Variants in CBX8 observed in about 807,000 individuals in gnomAD.
CBX8 encodes the protein chromobox protein homolog 8.
Under a neutral mutation model 39.7 loss-of-function variants are expected in CBX8, and 8 were observed. The ratio of observed to expected loss-of-function variants is 0.20; its 90% CI spans 0.12 to 0.36. The LOEUF (loss-of-function observed/expected upper bound fraction) is 0.36, where lower values mean the gene tolerates loss of function less well. Among genes scored for constraint, CBX8 ranks in the 10% least tolerant of loss-of-function variants. The pLI is 1.00. For missense variants in CBX8, 505 were observed against 529.6 expected (o/e 0.95, Z 0.46); for synonymous variants, 268 against 219.8 (o/e 1.22, Z -1.94).
At position 79,793,034 on chromosome 17, in the gene CBX8, G is replaced by A. The variant is rs1467390028; in HGVS notation, c.*1601C>T. On this transcript the variant is annotated 3_prime_UTR_variant, in exon 5 of 5. Coordinates refer to ENST00000269385, the MANE Select transcript of CBX8 (RefSeq NM_020649.3). ...CTTTAAGGGCGGGGAGGGCAGGGAG[G>A]CTGCGGGATCCGTGCTCCAAGAGAC... The A allele has an allele frequency of 1.3e-5, 2 of 152,298 alleles. No homozygotes were observed. The highest frequency in any genetic ancestry group is 4.8e-5 in the African/African-American group (2 of 41,472). 9.4% of individuals were successfully genotyped at this position (152,298 alleles called of 1,614,324 possible).
Position 79,796,130 on chromosome 17 carries a change from AAAG to A in CBX8, c.180-10_180-8del. The A allele has an allele frequency of 6.2e-7, 1 of 1,613,410 alleles. No homozygotes were observed. Among genetic ancestry groups the A allele is most frequent in the East Asian group, 2.2e-5 (1 of 44,884 alleles). ...GAGCTCCATCTCTCTTTCCCTGGAG[AAAG>A]AAGAAAAGGAGAAAGGGTGCGTGAG... On this transcript the variant is annotated splice_polypyrimidine_tract_variant and splice_region_variant and intron_variant, in intron 3 of 4. Coordinates refer to ENST00000269385, the MANE Select transcript of CBX8 (RefSeq NM_020649.3).
Position 79,794,769 on chromosome 17 carries a change from G to A in CBX8, c.1036C>T (p.Pro346Ser). The A allele has an allele frequency of 3.1e-6, 5 of 1,613,020 alleles. No homozygotes were observed. Among genetic ancestry groups the A allele is most frequent in the South Asian group, 1.1e-5 (1 of 91,056 alleles). The change falls in exon 5 of 5, where the codon CCG becomes TCG. Residue 346 changes from proline to serine, a missense_variant. This residue lies in a region of CBX8 where 456 missense variants were observed against 389.2 expected (regional missense o/e 1.17). Coordinates refer to ENST00000269385, the MANE Select transcript of CBX8 (RefSeq NM_020649.3). ...RIPVARILGD[P>S]EEESWSPSLT... ...GAGGGGCTCCAGGACTCTTCCTCCG[G>A]GTCCCCCAGGATTCTGGCCACAGGG...
In CBX8 at chr17:79,795,744, GAGAGGTAGAAGGATGAGAGA is replaced by G. The variant is rs1568508116; in HGVS notation, c.247-206_247-187del. Among the ~76,000 whole-genome samples the G allele has an allele frequency of 1.3e-5, 2 of 152,198 alleles. No homozygotes were observed. The highest frequency in any genetic ancestry group is 2.9e-5 in the Non-Finnish European group (2 of 68,034). ...AATGGGTGGGATGGCTGTTGGAGCT[GAGAGGTAGAAGGATGAGAGA>G]AGAGGTAGAAGATTTGGCTGGAAGT... On this transcript the variant is annotated intron_variant, in intron 4 of 4. Coordinates refer to ENST00000269385, the MANE Select transcript of CBX8 (RefSeq NM_020649.3). The surrounding 1 kb of genome is among the most constrained non-coding windows in gnomAD (Gnocchi z 5.8).
At position 79,795,639 on chromosome 17, in the gene CBX8, T is replaced by C; in HGVS notation, c.247-81A>G. The C allele has an allele frequency of 2.3e-6, 2 of 878,602 alleles. No homozygotes were observed. The highest frequency in any genetic ancestry group is 3.8e-5 in the South Asian group (2 of 52,450). The allele number at this position is 878,602 out of a possible 1,614,324, so 54.4% of individuals were successfully genotyped here. ...GACTCCTCCTCTATCCCTGACCTCC[T>C]ATCTTTACCCTATGATGCCTGGGAA... On this transcript the variant is annotated intron_variant, in intron 4 of 4. Transcript: ENST00000269385. The surrounding 1 kb of genome is among the most constrained non-coding windows in gnomAD (Gnocchi z 5.8).
intron 2 of CBX8, 55 bp from the exon 3 acceptor site, chr17:79,796,370 A>AGG (rs1908090535): frequency 1.9e-6 from 3 of 1,584,518 alleles, no homozygotes; most frequent in Non-Finnish European, 2.6e-6. Context: ...GTGAGAGCAG[A>AGG]GGGGGTGTGT....
Position 79,795,642 on chromosome 17 carries a change from C to T in CBX8, c.247-84G>A. The T allele has an allele frequency of 3.8e-6, 3 of 784,588 alleles. No homozygotes were observed. The highest frequency in any genetic ancestry group is 1.7e-6 in the Non-Finnish European group (1 of 603,380). The allele number at this position is 784,588 out of a possible 1,614,324, so 48.6% of individuals were successfully genotyped here. On this transcript the variant is annotated intron_variant, in intron 4 of 4. Transcript: ENST00000269385. The surrounding 1 kb of genome is among the most constrained non-coding windows in gnomAD (Gnocchi z 5.8). ...TCCTCCTCTATCCCTGACCTCCTATCTTTACCCTATGATGCCTGGGAATTT... is the reference window on the plus strand; with the variant it reads ...TCCTCCTCTATCCCTGACCTCCTATTTTTACCCTATGATGCCTGGGAATTT...
At position 79,796,508 on chromosome 17, in the gene CBX8, T is replaced by C. The variant is rs767664043; in HGVS notation, c.102A>G (p.Gly34=). ...GRMEYLVKWK[G]WSQKYSTWEP... ...TATAACCTACTTACTTCTGCGACCA[T>C]CCCTTCCATTTCACGAGGTATTCCA... The change falls in exon 2 of 5, where the codon GGA becomes GGG. Residue 34 remains glycine, a synonymous_variant. Transcript: ENST00000269385. 21 of 1,614,042 alleles carry C rather than the reference T, an allele frequency of 1.3e-5. No individual in the cohort carries two copies. Among genetic ancestry groups the C allele is most frequent in the African/African-American group, 2.7e-5 (2 of 74,898 alleles).
chr17:79,796,200 C>T lies in CBX8; in HGVS notation c.179+50G>A, dbSNP rs780253748. ...GACTCTAGTCCAGGCTGGAAAGAAG[C>T]CACTCTACTTGTTTCTAAGTGAGCG... On this transcript the variant is annotated intron_variant, in intron 3 of 4. Coordinates refer to ENST00000269385, the MANE Select transcript of CBX8 (RefSeq NM_020649.3). 6 of 1,613,086 alleles carry T rather than the reference C, an allele frequency of 3.7e-6. No homozygotes were observed. The East Asian group carries it at 8.9e-5, about 24-fold the overall frequency.
In CBX8 at chr17:79,794,646, C is replaced by A; in HGVS notation, c.1159G>T (p.Glu387Ter). ...CACCCACCCAGCATTCATCTTTTCT[C>A]TTTAAAAAAGCCTTGGTCCGTGTTA... ...ESNTDQGFFK[E>*]KR The change falls in exon 5 of 5, where the codon GAG becomes TAG. Residue 387 changes from glutamate (E) to a stop codon, truncating the protein, a stop_gained. Transcript: ENST00000269385. LOFTEE classifies it high-confidence loss of function. 4 of 1,567,192 alleles carry A rather than the reference C, an allele frequency of 2.6e-6. No individual in the cohort carries two copies. Among genetic ancestry groups the A allele is most frequent in the South Asian group, 1.2e-5 (1 of 83,074 alleles).
In CBX8 at chr17:79,795,913, T is replaced by C; in HGVS notation, c.246+144A>G. 1 of 768,642 alleles carries C rather than the reference T, an allele frequency of 1.3e-6. No homozygotes were observed. The highest frequency in any genetic ancestry group is 1.7e-5 in the South Asian group (1 of 60,446). The allele number at this position is 768,642 out of a possible 1,614,324, so 47.6% of individuals were successfully genotyped here. A position where few individuals can be genotyped will look rare whatever the true frequency, so the allele number is the denominator to read the frequency against. ...GACACAGTTGGTGCTGCTACTGACTTGGTGACATCTTGTCAGGGAACTCCC... is the reference window on the plus strand; with the variant it reads ...GACACAGTTGGTGCTGCTACTGACTCGGTGACATCTTGTCAGGGAACTCCC... On this transcript the variant is annotated intron_variant, in intron 4 of 4. Transcript: ENST00000269385. This position sits in a 1 kb window ranked among gnomAD's most constrained non-coding sequence, Gnocchi z 5.8.
At position 79,794,215 on chromosome 17, in the gene CBX8, G is replaced by A. The variant is rs1907982951; in HGVS notation, c.*420C>T. On this transcript the variant is annotated 3_prime_UTR_variant, in exon 5 of 5. Coordinates refer to ENST00000269385, the MANE Select transcript of CBX8 (RefSeq NM_020649.3). Reference sequence around the variant, plus strand: ...TTGGGCTGTGGGAGAAGGGAGGAGGGGTGAGGTGGGCAGGCCAAGCCCCTC... The same window carrying A: ...TTGGGCTGTGGGAGAAGGGAGGAGGAGTGAGGTGGGCAGGCCAAGCCCCTC... The A allele has an allele frequency of 6.6e-6, 1 of 152,256 alleles. No individual in the cohort carries two copies. The highest frequency in any genetic ancestry group is 2.1e-4 in the South Asian group (1 of 4,840). 9.4% of individuals were successfully genotyped at this position (152,256 alleles called of 1,614,324 possible). A position where few individuals can be genotyped will look rare whatever the true frequency, so the allele number is the denominator to read the frequency against.
Position 79,795,311 on chromosome 17 carries a change from T to G in CBX8, c.494A>C (p.Glu165Ala), listed in dbSNP as rs1472958228. The G allele has an allele frequency of 1.9e-6, 3 of 1,586,822 alleles. No individual in the cohort carries two copies. The Admixed American group carries it at 5.5e-5, about 29-fold the overall frequency. The change falls in exon 5 of 5, where the codon GAG becomes GCG. Residue 165 changes from glutamate to alanine, a missense_variant. Physicochemically the swap from Glu to Ala is moderately radical, Grantham distance 107. Coordinates refer to ENST00000269385, the MANE Select transcript of CBX8 (RefSeq NM_020649.3). The surrounding 1 kb of genome is among the most constrained non-coding windows in gnomAD (Gnocchi z 5.8). Reference protein sequence around the residue: ...DRDRERDRERERERERERERE... With the variant: ...DRDRERDRERARERERERERE... Reference sequence around the variant, plus strand: ...TTCCCGCTCCCTCTCTCGCTCCCTCTCCCTTTCTCGATCCCGCTCCCGGTC... The same window carrying G: ...TTCCCGCTCCCTCTCTCGCTCCCTCGCCCTTTCTCGATCCCGCTCCCGGTC...
Position 79,793,282 on chromosome 17 carries a change from A to T in CBX8, c.*1353T>A, listed in dbSNP as rs1598233926. ...TCGAGTTCAAATAGAGAACACTGCGAATCGAAAAGACCTATAAATTATAGC... is the reference window on the plus strand; with the variant it reads ...TCGAGTTCAAATAGAGAACACTGCGTATCGAAAAGACCTATAAATTATAGC... On this transcript the variant is annotated 3_prime_UTR_variant, in exon 5 of 5. Coordinates refer to ENST00000269385, the MANE Select transcript of CBX8 (RefSeq NM_020649.3). 6.6e-6 allele frequency: 1 copy of T among 152,140 alleles called. No homozygotes were observed. The highest frequency in any genetic ancestry group is 1.9e-4 in the East Asian group (1 of 5,188). 9.4% of individuals were successfully genotyped at this position (152,140 alleles called of 1,614,324 possible).
At position 79,795,660 on chromosome 17, in the gene CBX8, G is replaced by A. The variant is rs914101145; in HGVS notation, c.247-102C>T. The A allele has an allele frequency of 1.9e-4, 80 of 416,634 alleles. No individual in the cohort carries two copies. Among genetic ancestry groups the A allele is most frequent in the Non-Finnish European group, 2.6e-4 (74 of 280,284 alleles). 25.8% of individuals were successfully genotyped at this position (416,634 alleles called of 1,614,324 possible). A position where few individuals can be genotyped will look rare whatever the true frequency, so the allele number is the denominator to read the frequency against. On this transcript the variant is annotated intron_variant, in intron 4 of 4. Coordinates refer to ENST00000269385, the MANE Select transcript of CBX8 (RefSeq NM_020649.3). The surrounding 1 kb of genome is among the most constrained non-coding windows in gnomAD (Gnocchi z 5.8). ...CTCCTATCTTTACCCTATGATGCCT[G>A]GGAATTTCTACATGGATGCATGGAT...
chr17:79,796,850 G>A, intron 1 of CBX8, 80 bp downstream of exon 1: 1 of 1,345,006 alleles, frequency 7.4e-7, no homozygotes, highest in Non-Finnish European at 1.0e-6. Flanking sequence ...AAGGGAAGCT[G>A]GGCTGCAGCA....
rs1440452671 is a variant in CBX8, at chr17:79,793,635, T to A, written c.*1000A>T. 2 of 152,250 alleles carry A rather than the reference T, an allele frequency of 1.3e-5. No individual in the cohort carries two copies. The highest frequency in any genetic ancestry group is 2.4e-5 in the African/African-American group (1 of 41,470). The allele number at this position is 152,250 out of a possible 1,614,324, so 9.4% of individuals were successfully genotyped here. ...CCCCAGGCAGGGAGGCTTGTCCAAC[T>A]CTTCCTGGGAGGTGGGGGCCACCGT... On this transcript the variant is annotated 3_prime_UTR_variant, in exon 5 of 5. Coordinates refer to ENST00000269385, the MANE Select transcript of CBX8 (RefSeq NM_020649.3).
chr17:79,795,292 C>T lies in CBX8; in HGVS notation c.513G>A (p.Glu171=). 1 of 1,593,910 alleles carries T rather than the reference C, an allele frequency of 6.3e-7. No homozygotes were observed. Among genetic ancestry groups the T allele is most frequent in the South Asian group, 1.1e-5 (1 of 88,236 alleles). ...DRERERERER[E]RERERERERG... is the part of the protein sequence containing the mutation. ...GCTCTCGTTCCCTCTCACGTTCCCGCTCCCTCTCTCGCTCCCTCTCCCTTT... is the reference window on the plus strand; with the variant it reads ...GCTCTCGTTCCCTCTCACGTTCCCGTTCCCTCTCTCGCTCCCTCTCCCTTT... Residue 171 remains glutamate, a synonymous_variant, in exon 5 of 5, where the codon GAG becomes GAA. Transcript: ENST00000269385. The surrounding 1 kb of genome is among the most constrained non-coding windows in gnomAD (Gnocchi z 5.8).
Position 79,795,121 on chromosome 17 carries a change from G to A in CBX8, c.684C>T (p.Gly228=). 9 of 1,613,504 alleles carry A rather than the reference G, an allele frequency of 5.6e-6. No individual in the cohort carries two copies. The highest frequency in any genetic ancestry group is 1.3e-5 in the African/African-American group (1 of 75,042). The change falls in exon 5 of 5, where the codon GGC becomes GGT. Residue 228 remains glycine (G), a synonymous_variant. Coordinates refer to ENST00000269385, the MANE Select transcript of CBX8 (RefSeq NM_020649.3). This position sits in a 1 kb window ranked among gnomAD's most constrained non-coding sequence, Gnocchi z 5.8. ...PSAGLGEYLK[G]RKLDDTPSGA... Reference sequence around the variant, plus strand: ...CGGAAGGGGTGTCGTCCAGCTTCCTGCCCTTGAGGTACTCTCCGAGGCCGG... The same window carrying A: ...CGGAAGGGGTGTCGTCCAGCTTCCTACCCTTGAGGTACTCTCCGAGGCCGG...
Position 79,794,522 on chromosome 17 carries a change from A to T in CBX8, c.*113T>A, listed in dbSNP as rs1907993314. 1.3e-6 allele frequency: 1 copy of T among 745,214 alleles called. No individual in the cohort carries two copies. Among genetic ancestry groups the T allele is most frequent in the Non-Finnish European group, 2.2e-6 (1 of 462,072 alleles). 46.2% of individuals were successfully genotyped at this position (745,214 alleles called of 1,614,324 possible). A position where few individuals can be genotyped will look rare whatever the true frequency, so the allele number is the denominator to read the frequency against. ...AAGGGGCTGGTGGGGTGGGGGTGAC[A>T]TCAGGGACGGGACCAGCCAAAAGGC... On this transcript the variant is annotated 3_prime_UTR_variant, in exon 5 of 5. Coordinates refer to ENST00000269385, the MANE Select transcript of CBX8 (RefSeq NM_020649.3).
Sources: gnomAD v4.1 joint callset for allele counts (sites outside exome capture counted in the v4.1 genomes callset) on GRCh38, gnomAD v4.1.1 for gene constraint, gnomAD v4.1.1 regional missense constraint, Gnocchi (gnomAD v3.1) non-coding constraint, MANE v1.5 for transcripts, NCBI Gene and HGNC (gene_info 2026-07-23, HGNC 2026-07-21) for gene names.